Variants in LINGO2 observed in about 807,000 individuals in gnomAD.
The protein encoded by LINGO2 is leucine-rich repeat and immunoglobulin-like domain-containing nogo receptor-interacting protein 2.
A neutral mutation model predicts 30.6 loss-of-function variants in LINGO2; 14 were observed. That is an observed-to-expected ratio of 0.46 (90% confidence interval 0.30 to 0.72). The LOEUF (loss-of-function observed/expected upper bound fraction) is 0.72. Among genes scored for constraint, LINGO2 ranks in the 30% least tolerant of loss-of-function variants. The pLI, the probability that LINGO2 is intolerant of heterozygous loss-of-function variation, is 0.07. For synonymous variants in LINGO2, 317 were observed against 288.5 expected, an observed-to-expected ratio of 1.10 and a Z score of -1.00; for missense variants, 729 against 751.7, an observed-to-expected ratio of 0.97 and a Z score of 0.35.
At chr9:28,375,054 A>G (rs1421497671) in intron 2 of LINGO2, among the ~76,000 whole-genome samples, 1 of 150,514 alleles carries the variant, frequency 6.6e-6, no homozygotes, top group East Asian at 2.0e-4. Flanking sequence ...ACCCCACCCA[A>G]GAAATTCCAA....
the LINGO2 span, among the ~76,000 whole-genome samples, chr9:29,144,391 G>A: frequency 2.0e-5 from 3 of 151,984 alleles, no homozygotes; most frequent in South Asian, 2.1e-4. Context: ...TCCTGTCTAC[G>A]AATTTAAAAT....
chr9:29,179,158 A>ATATAT, the LINGO2 span, among the ~76,000 whole-genome samples: 2 of 101,636 alleles, frequency 2.0e-5, no homozygotes, highest in South Asian at 7.2e-4. Flanking sequence ...TCTTACTGTA[A>ATATAT]ATATATATAT....
chr9:28,016,633 G>A (rs1822852177), intron 4 of LINGO2, among the ~76,000 whole-genome samples: 1 of 130,166 alleles, frequency 7.7e-6, no homozygotes, highest in East Asian at 2.2e-4. Context: ...ACTGAACCAG[G>A]AAGACACTGA....
rs181754383 is a variant in LINGO2, at chr9:28,045,540, G to A, written c.-86-33135C>T. 7.9e-5 allele frequency among the ~76,000 whole-genome samples: 12 copies of A among 152,316 alleles called. No individual in the cohort carries two copies. The East Asian group carries it at 1.7e-3, about 22-fold the overall frequency. ...AGTGATTATAAACATGTAAAATGAA[G>A]TATGAGAGAAAAGATTGAGAATTAT... is the stretch of plus-strand genomic sequence containing the variant. On this transcript the variant is annotated intron_variant, in intron 4 of 5. Transcript: ENST00000379992.
the LINGO2 span, among the ~76,000 whole-genome samples, chr9:28,693,933 C>T: frequency 1.3e-5 from 2 of 151,864 alleles, no homozygotes; most frequent in Admixed American, 6.6e-5. Flanking sequence ...GAAGGTGGTG[C>T]TTATCCAATT....
chr9:28,371,067 G>C (rs1438662060), intron 3 of LINGO2, among the ~76,000 whole-genome samples: 1 of 152,146 alleles, frequency 6.6e-6, no homozygotes, highest in African/African-American at 2.4e-5. Flanking sequence ...AGGTTTCACA[G>C]GCAGGTTCAA....
At chr9:28,564,227 G>C (rs1823248713) in intron 1 of LINGO2, among the ~76,000 whole-genome samples, 1 of 151,958 alleles carries the variant, frequency 6.6e-6, no homozygotes, top group African/African-American at 2.4e-5. Context: ...AAGAAAATAT[G>C]ATTATATTAT....
At chr9:28,197,512 T>G (rs1333780931) in intron 4 of LINGO2, among the ~76,000 whole-genome samples, 2 of 151,946 alleles carry the variant, frequency 1.3e-5, no homozygotes, top group Non-Finnish European at 2.9e-5. Flanking sequence ...TCATTAGTAA[T>G]TGGGAAAAAT....
the LINGO2 span, among the ~76,000 whole-genome samples, chr9:28,784,433 C>A: frequency 6.6e-6 from 1 of 152,246 alleles, no homozygotes; most frequent in Non-Finnish European, 1.5e-5. Flanking sequence ...AGCTGTGTGA[C>A]CCTGTATTAG....
At chr9:28,506,521 T>TATATATATATAA (rs1564250911) in intron 1 of LINGO2, among the ~76,000 whole-genome samples, 1 of 131,234 alleles carries the variant, frequency 7.6e-6, no homozygotes, top group Non-Finnish European at 1.6e-5. Context: ...TATATATATA[T>TATATATATATAA]AAACTGTTGG....
the LINGO2 span, among the ~76,000 whole-genome samples, chr9:29,145,330 G>A: frequency 6.6e-6 from 1 of 151,858 alleles, no homozygotes; most frequent in Admixed American, 6.6e-5. Flanking sequence ...TTTTTCTTCT[G>A]TCTATATTTG....
the LINGO2 span, among the ~76,000 whole-genome samples, chr9:28,799,896 G>T: frequency 1.3e-5 from 2 of 152,030 alleles, no homozygotes; most frequent in Non-Finnish European, 2.9e-5. Context: ...TCCTAGAAAT[G>T]CATCTCTGAA....
In LINGO2 at chr9:28,380,417, T is replaced by C. The variant is rs574764326; in HGVS notation, c.-278-7549A>G. 6.2e-5 allele frequency among the ~76,000 whole-genome samples: 9 copies of C among 145,870 alleles called. No individual in the cohort carries two copies. In the South Asian group the frequency reaches 2.0e-3, roughly 32 times the overall value. On this transcript the variant is annotated intron_variant, in intron 2 of 5. Coordinates refer to ENST00000379992, the Ensembl canonical transcript of LINGO2. ...TTTTTTTTTTTTCCAATGGTAAGAG[T>C]CTTTAAAATACAATACTTCATGGAG...
intron 4 of LINGO2, among the ~76,000 whole-genome samples, chr9:28,050,154 A>G (rs986472633): frequency 6.6e-6 from 1 of 150,528 alleles, no homozygotes; most frequent in African/African-American, 2.5e-5. Context: ...TGGGTGGCTG[A>G]GTGAAGCAAC....
At chr9:29,205,494 T>A in the LINGO2 span, among the ~76,000 whole-genome samples, 1 of 152,324 alleles carries the variant, frequency 6.6e-6, no homozygotes, top group South Asian at 2.1e-4. Context: ...ATTAATAATG[T>A]TTACATCTAT....
chr9:28,691,596 A>C, the LINGO2 span, among the ~76,000 whole-genome samples: 62 of 152,262 alleles, frequency 4.1e-4, no homozygotes, highest in Admixed American at 3.9e-4. Flanking sequence ...ATTGCCTCTT[A>C]AAAAAAGCAG....
At chr9:29,183,078 T>C in the LINGO2 span, among the ~76,000 whole-genome samples, 1 of 152,244 alleles carries the variant, frequency 6.6e-6, no homozygotes, top group South Asian at 2.1e-4. Flanking sequence ...GGATGTGAAG[T>C]ATGCTCATAT....
chr9:28,418,109 C>G (rs1041026809), intron 2 of LINGO2, among the ~76,000 whole-genome samples: 2 of 151,986 alleles, frequency 1.3e-5, no homozygotes, highest in Admixed American at 6.6e-5. Context: ...AGATCAAACT[C>G]CTTCAATAAT....
chr9:29,155,592 AG>A, the LINGO2 span, among the ~76,000 whole-genome samples: 1 of 151,048 alleles, frequency 6.6e-6, no homozygotes, highest in Non-Finnish European at 1.5e-5. Flanking sequence ...AAAATAAATG[AG>A]GAAAAAAAGA....
Sources: allele counts gnomAD v4.1 joint callset (sites outside exome capture counted in the v4.1 genomes callset), GRCh38; gene constraint gnomAD v4.1.1; transcripts MANE v1.5; gene names NCBI Gene and HGNC (gene_info 2026-07-23, HGNC 2026-07-21).